Variants in PFDN4 observed in about 807,000 individuals in gnomAD.
PFDN4 encodes prefoldin subunit 4.
In PFDN4, 6 loss-of-function variants were observed where a neutral mutation model predicts 17.6. The ratio of observed to expected loss-of-function variants is 0.34; its 90% CI spans 0.19 to 0.67. The LOEUF is 0.67. Ranked by LOEUF, PFDN4 falls within the 30% of genes least tolerant of loss-of-function variation. PFDN4 has a pLI of 0.68. For missense variants in PFDN4, 119 were observed against 158.4 expected (o/e 0.75, Z 1.33); for synonymous variants, 48 against 51.1 (o/e 0.94, Z 0.26).
At chr20:54,209,422 G>A (rs1329248343) in intron 1 of PFDN4, among the ~76,000 whole-genome samples, 1 of 151,934 alleles carries the variant, frequency 6.6e-6, no homozygotes, top group African/African-American at 2.4e-5. Context: ...TGAAATTGAG[G>A]GACTGCCAAA....
At chr20:54,214,871 TTTGA>T (rs1231708768) in intron 2 of PFDN4, among the ~76,000 whole-genome samples, 1 of 152,168 alleles carries the variant, frequency 6.6e-6, no homozygotes, top group Non-Finnish European at 1.5e-5. Flanking sequence ...CTCAAATGCA[TTTGA>T]TTGGTGGAAT....
intron 3 of PFDN4, among the ~76,000 whole-genome samples, chr20:54,216,228 G>A (rs1044611157): frequency 2.0e-5 from 3 of 152,200 alleles, no homozygotes; most frequent in Admixed American, 2.0e-4. Context: ...TACATGGTAT[G>A]AAATTTTCAG....
At position 54,214,343 on chromosome 20, in the gene PFDN4, T is replaced by G; in HGVS notation, c.25-8T>G. On this transcript the variant is annotated splice_polypyrimidine_tract_variant and splice_region_variant and intron_variant, in intron 1 of 3. Transcript: ENST00000371419. ...AAAATTTTACAAAAACTTAAACACTTCTTTCAGGCTGCAGAAGATGTCAAT... is the reference window on the plus strand; with the variant it reads ...AAAATTTTACAAAAACTTAAACACTGCTTTCAGGCTGCAGAAGATGTCAAT... The G allele has an allele frequency of 6.6e-7, 1 of 1,504,306 alleles. No individual in the cohort carries two copies. Among genetic ancestry groups the G allele is most frequent in the Non-Finnish European group, 9.1e-7 (1 of 1,096,962 alleles). 93.2% of individuals were successfully genotyped at this position (1,504,306 alleles called of 1,614,324 possible). A position where few individuals can be genotyped will look rare whatever the true frequency, so the allele number is the denominator to read the frequency against.
chr20:54,209,873 C>T (rs533800420), intron 1 of PFDN4, among the ~76,000 whole-genome samples: 35 of 152,132 alleles, frequency 2.3e-4, no homozygotes, highest in Non-Finnish European at 4.3e-4. Flanking sequence ...GCTCTTCTCC[C>T]CTTAATCTCA....
intron 1 of PFDN4, among the ~76,000 whole-genome samples, chr20:54,210,724 A>G (rs942460672): frequency 6.6e-6 from 1 of 151,496 alleles, no homozygotes; most frequent in African/African-American, 2.4e-5. Context: ...AAAACTTTCT[A>G]CTCCTAAGCT....
chr20:54,213,213 A>G (rs2092758323), intron 1 of PFDN4, among the ~76,000 whole-genome samples: 2 of 152,234 alleles, frequency 1.3e-5, no homozygotes, highest in African/African-American at 4.8e-5. Context: ...TTTTATACAC[A>G]CACAAATATC....
chr20:54,211,063 G>A (rs760263252), intron 1 of PFDN4, among the ~76,000 whole-genome samples: 5 of 152,134 alleles, frequency 3.3e-5, no homozygotes, highest in Non-Finnish European at 5.9e-5. Context: ...CCAGCCTGGC[G>A]ATAGAGCAAG....
intron 1 of PFDN4, among the ~76,000 whole-genome samples, chr20:54,209,782 T>C (rs2092753314): frequency 6.6e-6 from 1 of 152,182 alleles, no homozygotes; most frequent in African/African-American, 2.4e-5. Flanking sequence ...TTCCTTTCAT[T>C]GATTCAGTAA....
intron 3 of PFDN4, among the ~76,000 whole-genome samples, chr20:54,217,451 G>A (rs1043107209): frequency 3.3e-5 from 5 of 152,166 alleles, no homozygotes; most frequent in African/African-American, 1.2e-4. Context: ...TGAAGAAATT[G>A]TACTTTGTCT....
At chr20:54,217,347 G>A (rs2092763995) in intron 3 of PFDN4, among the ~76,000 whole-genome samples, 1 of 152,102 alleles carries the variant, frequency 6.6e-6, no homozygotes, top group Non-Finnish European at 1.5e-5. Context: ...GGATGACGGT[G>A]GTGCAAACAT....
In PFDN4 at chr20:54,219,807, G is replaced by A. The variant is rs925201941; in HGVS notation, c.*657G>A. Reference sequence around the variant, plus strand: ...AACCAAGAGATGTGCAGAAAGAAATGTTTAGTGTTTTTTCGTTTTAAATTT... The same window carrying A: ...AACCAAGAGATGTGCAGAAAGAAATATTTAGTGTTTTTTCGTTTTAAATTT... On this transcript the variant is annotated 3_prime_UTR_variant, in exon 4 of 4. Coordinates refer to ENST00000371419, the MANE Select transcript of PFDN4 (RefSeq NM_002623.4). 2 of 398,220 alleles carry A rather than the reference G, an allele frequency of 5.0e-6. No homozygotes were observed. The highest frequency in any genetic ancestry group is 2.5e-4 in the South Asian group (2 of 7,854). 24.7% of individuals were successfully genotyped at this position (398,220 alleles called of 1,614,324 possible). A position where few individuals can be genotyped will look rare whatever the true frequency, so the allele number is the denominator to read the frequency against.
rs187152509 is a variant in PFDN4, at chr20:54,215,452, G to A, written c.273+12G>A. The A allele has an allele frequency of 3.0e-3, 4,695 of 1,557,054 alleles. 15 individuals carry two copies. The highest frequency in any genetic ancestry group is 3.8e-3 in the Non-Finnish European group (4,386 of 1,141,770). ...TAGAAGAAGCAAAGGTATGTTAAAGGTTAATTCTGAAATTAGAATTTATAT... is the reference window on the plus strand; with the variant it reads ...TAGAAGAAGCAAAGGTATGTTAAAGATTAATTCTGAAATTAGAATTTATAT... On this transcript the variant is annotated intron_variant, in intron 3 of 3. Transcript: ENST00000371419.
At position 54,219,440 on chromosome 20, in the gene PFDN4, TTTG is replaced by T. The variant is rs2092766873; in HGVS notation, c.*297_*299del. On this transcript the variant is annotated 3_prime_UTR_variant, in exon 4 of 4. Coordinates refer to ENST00000371419, the MANE Select transcript of PFDN4 (RefSeq NM_002623.4). ...TTATGTTTCTATATTATTTAGAATA[TTTG>T]TTGTTGCAATTTTCACATAAGAAAA... 8.2e-6 allele frequency: 3 copies of T among 365,214 alleles called. No homozygotes were observed. Among genetic ancestry groups the T allele is most frequent in the Non-Finnish European group, 1.4e-5 (3 of 209,352 alleles). The allele number at this position is 365,214 out of a possible 1,614,324, so 22.6% of individuals were successfully genotyped here. A position where few individuals can be genotyped will look rare whatever the true frequency, so the allele number is the denominator to read the frequency against.
rs187520803 is a variant in PFDN4, at chr20:54,208,318, G to A, written c.24+194G>A. On this transcript the variant is annotated intron_variant, in intron 1 of 3. Coordinates refer to ENST00000371419, the MANE Select transcript of PFDN4 (RefSeq NM_002623.4). ...GCCCTGAGCGTTTTCCTAGGCACCT[G>A]GCCAGCCGAGGCGGGGCGCCGGGGC... is the stretch of plus-strand genomic sequence containing the variant. 3.6e-3 allele frequency: 1,677 copies of A among 469,912 alleles called. 6 individuals are homozygous for A. Among genetic ancestry groups the A allele is most frequent in the Middle Eastern group, 7.5e-3 (13 of 1,724 alleles). The allele number at this position is 469,912 out of a possible 1,614,324, so 29.1% of individuals were successfully genotyped here.
chr20:54,211,615 A>G (rs540341546), intron 1 of PFDN4, among the ~76,000 whole-genome samples: 184 of 152,200 alleles, frequency 1.2e-3, no homozygotes, highest in African/African-American at 3.4e-3. Flanking sequence ...GTTTGCTTGG[A>G]TTGGATTGCA....
intron 1 of PFDN4, among the ~76,000 whole-genome samples, chr20:54,210,029 C>T (rs2092753640): frequency 6.6e-6 from 1 of 152,164 alleles, no homozygotes; most frequent in Non-Finnish European, 1.5e-5. Flanking sequence ...TCAGAGAAGA[C>T]TTTCCTGGGA....
At chr20:54,216,980 C>T (rs918295220) in intron 3 of PFDN4, among the ~76,000 whole-genome samples, 1 of 152,098 alleles carries the variant, frequency 6.6e-6, no homozygotes, top group African/African-American at 2.4e-5. Context: ...TTTTTTTACT[C>T]ATTCTAGAAT....
chr20:54,218,176 C>CTT (rs11365330), intron 3 of PFDN4, among the ~76,000 whole-genome samples: 6 of 129,262 alleles, frequency 4.6e-5, no homozygotes, highest in East Asian at 2.3e-4. Context: ...AACTTAATGG[C>CTT]TTTTTTTTTT....
intron 1 of PFDN4, among the ~76,000 whole-genome samples, chr20:54,212,506 T>C (rs1446510614): frequency 6.6e-6 from 1 of 152,204 alleles, no homozygotes; most frequent in Non-Finnish European, 1.5e-5. Flanking sequence ...AGAAAGCAGA[T>C]AGCCAAATTC....
Sources: gnomAD v4.1 joint callset for allele counts (sites outside exome capture counted in the v4.1 genomes callset) on GRCh38, gnomAD v4.1.1 for gene constraint, MANE v1.5 for transcripts, NCBI Gene and HGNC (gene_info 2026-07-23, HGNC 2026-07-21) for gene names.